The following WNT6 variants were observed in gnomAD, a reference collection of about 807,000 sequenced individuals.
WNT6 encodes protein Wnt-6.
WNT6 carries 27 observed loss-of-function variants against 33.1 expected under a neutral mutation model. The ratio of observed to expected loss-of-function variants is 0.82; its 90% CI spans 0.60 to 1.12. The LOEUF (loss-of-function observed/expected upper bound fraction) is 1.12, where lower values mean the gene tolerates loss of function less well. WNT6 is among the 50% of genes most tolerant of loss of function. The pLI, the probability that WNT6 is intolerant of heterozygous loss-of-function variation, is 0.00. For synonymous variants in WNT6, 249 were observed against 242.8 expected (o/e 1.03, Z -0.24); for missense variants, 494 against 535.3 (o/e 0.92, Z 0.76).
rs1944404813 is a variant in WNT6, at chr2:218,871,798, C to G, written c.615C>G (p.His205Gln). ...RGDIRALVQL[H>Q]NNEAGRLAVR... Reference sequence around the variant, plus strand: ...ACATCCGCGCGTTGGTGCAACTGCACAACAACGAGGCGGGCAGGCTGGTGC... The same window carrying G: ...ACATCCGCGCGTTGGTGCAACTGCAGAACAACGAGGCGGGCAGGCTGGTGC... Residue 205 changes from histidine to glutamine, a missense_variant, in exon 3 of 4, where the codon CAC (histidine) becomes CAG (glutamine). By Grantham distance (24) the His-to-Gln change is conservative. Transcript: ENST00000233948. The surrounding 1 kb of genome is among the most constrained non-coding windows in gnomAD (Gnocchi z 6.4). 6.3e-7 allele frequency: 1 copy of G among 1,594,050 alleles called. No individual in the cohort carries two copies. The highest frequency in any genetic ancestry group is 8.5e-7 in the Non-Finnish European group (1 of 1,171,748).
intron 1 of WNT6, among the ~76,000 whole-genome samples, 175 bp downstream of exon 1, chr2:218,860,292 C>A (rs1043920158): frequency 6.6e-6 from 1 of 152,190 alleles, no homozygotes; most frequent in African/African-American, 2.4e-5. Context: ...CCCTCGGGAA[C>A]ATTCTATTGT....
At chr2:218,868,106 C>T (rs1264154614) in intron 1 of WNT6, among the ~76,000 whole-genome samples, 1 of 152,132 alleles carries the variant, frequency 6.6e-6, no homozygotes, top group Non-Finnish European at 1.5e-5. Flanking sequence ...GCTGCTACTA[C>T]TGCCCATCCC....
intron 1 of WNT6, among the ~76,000 whole-genome samples, chr2:218,865,608 C>A (rs924748960): frequency 6.6e-6 from 1 of 152,184 alleles, no homozygotes; most frequent in African/African-American, 2.4e-5. Context: ...GACTGAGAGT[C>A]CACCTCTGGC....
chr2:218,866,549 G>A (rs1944356320), intron 1 of WNT6, among the ~76,000 whole-genome samples: 2 of 152,164 alleles, frequency 1.3e-5, no homozygotes, highest in South Asian at 4.1e-4. Flanking sequence ...GGTGTGGTGG[G>A]AAGACAAACA....
chr2:218,859,980 C>T lies in WNT6; in HGVS notation c.-58C>T. ...CACTGAAGCCCGGGCCCTCGCGCGC[C>T]GCGGTTCGCCCCGCAGCCTCGCCCC... On this transcript the variant is annotated 5_prime_UTR_variant, in exon 1 of 4. Transcript: ENST00000233948. The T allele has an allele frequency of 1.6e-6, 2 of 1,273,800 alleles. No individual in the cohort carries two copies. The highest frequency in any genetic ancestry group is 3.3e-5 in the East Asian group (1 of 30,608). 78.9% of individuals were successfully genotyped at this position (1,273,800 alleles called of 1,614,324 possible). A position where few individuals can be genotyped will look rare whatever the true frequency, so the allele number is the denominator to read the frequency against.
chr2:218,867,175 T>C lies in WNT6; in HGVS notation c.81-3852T>C, dbSNP rs1248825046. On this transcript the variant is annotated intron_variant, in intron 1 of 3. Transcript: ENST00000233948. This position sits in a 1 kb window ranked among gnomAD's most constrained non-coding sequence, Gnocchi z 4.9. Reference sequence around the variant, plus strand: ...GGAGGCCACTGGAAGTCTTCTGATATCTCACGTGCCCATTTCCCTCCAGCA... The same window carrying C: ...GGAGGCCACTGGAAGTCTTCTGATACCTCACGTGCCCATTTCCCTCCAGCA... 1.3e-5 allele frequency among the ~76,000 whole-genome samples: 2 copies of C among 152,322 alleles called. No individual in the cohort carries two copies. The highest frequency in any genetic ancestry group is 2.1e-4 in the South Asian group (1 of 4,824).
chr2:218,859,941 G>T lies in WNT6; in HGVS notation c.-97G>T, dbSNP rs1261371882. 9.4e-7 allele frequency: 1 copy of T among 1,062,258 alleles called. No homozygotes were observed. The highest frequency in any genetic ancestry group is 1.7e-5 in the African/African-American group (1 of 59,742). The allele number at this position is 1,062,258 out of a possible 1,614,324, so 65.8% of individuals were successfully genotyped here. On this transcript the variant is annotated 5_prime_UTR_variant, in exon 1 of 4. Coordinates refer to ENST00000233948, the MANE Select transcript of WNT6 (RefSeq NM_006522.4). ...CTCGCCTCCCGGCCGCCGCCGTTGC[G>T]CTCGCCGCGCTCGCACTGAAGCCCG...
chr2:218,870,877 C>CGTATCATT, intron 1 of WNT6, 150 bp from the exon 2 acceptor site: 1 of 673,990 alleles, frequency 1.5e-6, no homozygotes, highest in South Asian at 2.0e-5. Context: ...GCAGGAGAGC[C>CGTATCATT]AGACAGGACA....
rs1944431342 is a variant in WNT6, at chr2:218,873,948, C to T, written c.*103C>T. Reference sequence around the variant, plus strand: ...GCCTCTCGCCGCTCGAGCCCAGCCTCTCCCTGCCAAAGCCCAACTCCCAGG... The same window carrying T: ...GCCTCTCGCCGCTCGAGCCCAGCCTTTCCCTGCCAAAGCCCAACTCCCAGG... On this transcript the variant is annotated 3_prime_UTR_variant, in exon 4 of 4. Transcript: ENST00000233948. The surrounding 1 kb of genome is among the most constrained non-coding windows in gnomAD (Gnocchi z 6.1). 4.1e-6 allele frequency: 5 copies of T among 1,217,648 alleles called. No homozygotes were observed. Among genetic ancestry groups the T allele is most frequent in the Admixed American group, 6.8e-5 (2 of 29,484 alleles). 75.4% of individuals were successfully genotyped at this position (1,217,648 alleles called of 1,614,324 possible).
At chr2:218,870,433 C>T (rs1944390586) in intron 1 of WNT6, among the ~76,000 whole-genome samples, 1 of 152,178 alleles carries the variant, frequency 6.6e-6, no homozygotes, top group Non-Finnish European at 1.5e-5. Context: ...GAAACCTGGG[C>T]TATGGAGAGG....
At chr2:218,866,448 G>C (rs1264433268) in intron 1 of WNT6, among the ~76,000 whole-genome samples, 1 of 152,170 alleles carries the variant, frequency 6.6e-6, no homozygotes, top group African/African-American at 2.4e-5. Flanking sequence ...AAATAGCAGA[G>C]AGTTGGAGAA....
rs1269630936 is a variant in WNT6, at chr2:218,874,189, G to A, written c.*344G>A. On this transcript the variant is annotated 3_prime_UTR_variant, in exon 4 of 4. Coordinates refer to ENST00000233948, the MANE Select transcript of WNT6 (RefSeq NM_006522.4). ...GGGCTCCCCAGAACTGCTGGCCACAGGATGGTGGGTGAGGTTAGTATCAAT... is the reference window on the plus strand; with the variant it reads ...GGGCTCCCCAGAACTGCTGGCCACAAGATGGTGGGTGAGGTTAGTATCAAT... The A allele has an allele frequency of 3.3e-6, 1 of 306,456 alleles. No homozygotes were observed. Among genetic ancestry groups the A allele is most frequent in the Admixed American group, 5.1e-5 (1 of 19,606 alleles). The allele number at this position is 306,456 out of a possible 1,614,324, so 19.0% of individuals were successfully genotyped here.
At position 218,871,932 on chromosome 2, in the gene WNT6, A is replaced by G; in HGVS notation, c.636+113A>G. 7.0e-6 allele frequency: 2 copies of G among 287,266 alleles called. No individual in the cohort carries two copies. Among genetic ancestry groups the G allele is most frequent in the South Asian group, 9.4e-5 (2 of 21,298 alleles). The allele number at this position is 287,266 out of a possible 1,614,324, so 17.8% of individuals were successfully genotyped here. A position where few individuals can be genotyped will look rare whatever the true frequency, so the allele number is the denominator to read the frequency against. On this transcript the variant is annotated intron_variant, in intron 3 of 3. Transcript: ENST00000233948. This position sits in a 1 kb window ranked among gnomAD's most constrained non-coding sequence, Gnocchi z 6.4. ...GGTGTGTAGGTGGAGGGGGGCGTTA[A>G]TGTGTGGGGGAGTGCGCACGGGCGG...
At chr2:218,861,005 G>T (rs1007542337) in intron 1 of WNT6, among the ~76,000 whole-genome samples, 1 of 152,212 alleles carries the variant, frequency 6.6e-6, no homozygotes, top group Non-Finnish European at 1.5e-5. Flanking sequence ...GCCCGGAATA[G>T]CTCAGTGTTT....
chr2:218,868,244 G>C (rs924756842), intron 1 of WNT6, among the ~76,000 whole-genome samples: 1 of 152,128 alleles, frequency 6.6e-6, no homozygotes, highest in Non-Finnish European at 1.5e-5. Context: ...AAAGTCCCTG[G>C]CCTCCATACT....
Position 218,871,121 on chromosome 2 carries a change from C to A in WNT6, c.175C>A (p.Pro59Thr). ...GRQAELCQAE[P>T]EVVAELARGA... ...GCAGGCCGAGTTGTGCCAGGCTGAG[C>A]CGGAAGTGGTGGCAGAGCTAGCTCG... Residue 59 changes from proline to threonine, a missense_variant, in exon 2 of 4, where the codon CCG (proline) becomes ACG (threonine). Coordinates refer to ENST00000233948, the MANE Select transcript of WNT6 (RefSeq NM_006522.4). The surrounding 1 kb of genome is among the most constrained non-coding windows in gnomAD (Gnocchi z 6.4). 3 of 1,613,768 alleles carry A rather than the reference C, an allele frequency of 1.9e-6. No homozygotes were observed. The highest frequency in any genetic ancestry group is 1.7e-6 in the Non-Finnish European group (2 of 1,179,928).
At position 218,860,118 on chromosome 2, in the gene WNT6, G is replaced by T; in HGVS notation, c.80+1G>T. On this transcript the variant is annotated splice_donor_variant, in intron 1 of 3. Transcript: ENST00000233948. LOFTEE classifies it high-confidence loss of function. Reference sequence around the variant, plus strand: ...CGGCGCACGTCGGCGGACTGTGGTGGTGAGTCCGGCTGTCCTGGCGCGGCT... The same window carrying T: ...CGGCGCACGTCGGCGGACTGTGGTGTTGAGTCCGGCTGTCCTGGCGCGGCT... 1 of 1,522,050 alleles carries T rather than the reference G, an allele frequency of 6.6e-7. No homozygotes were observed. The highest frequency in any genetic ancestry group is 1.2e-5 in the South Asian group (1 of 82,102). 94.3% of individuals were successfully genotyped at this position (1,522,050 alleles called of 1,614,324 possible).
In WNT6 at chr2:218,871,691, G is replaced by A. The variant is rs746914545; in HGVS notation, c.508G>A (p.Gly170Arg). 1 of 1,577,732 alleles carries A rather than the reference G, an allele frequency of 6.3e-7. No individual in the cohort carries two copies. Among genetic ancestry groups the A allele is most frequent in the Admixed American group, 1.8e-5 (1 of 56,702 alleles). The change falls in exon 3 of 4, where the codon GGA becomes AGA. Residue 170 changes from glycine to arginine, a missense_variant. Gly to Arg is a moderately radical substitution (Grantham distance 125, BLOSUM62 -2). Transcript: ENST00000233948. This position sits in a 1 kb window ranked among gnomAD's most constrained non-coding sequence, Gnocchi z 6.4. ...GGAAGGCAGCGCCGCCTGGGAGTGG[G>A]GAGGCTGCGGCGACGACGTGGACTT... ...SPEGSAAWEW[G>R]GCGDDVDFGD... is the part of the protein sequence containing the mutation.
rs574440227 is a variant in WNT6 at position 218,859,954 on chromosome 2, G to T, written c.-84G>T. 2.5e-4 allele frequency: 284 copies of T among 1,139,614 alleles called. No homozygotes were observed. The South Asian group carries it at 3.1e-3, about 12-fold the overall frequency. 70.6% of individuals were successfully genotyped at this position (1,139,614 alleles called of 1,614,324 possible). A position where few individuals can be genotyped will look rare whatever the true frequency, so the allele number is the denominator to read the frequency against. On this transcript the variant is annotated 5_prime_UTR_variant, in exon 1 of 4. Coordinates refer to ENST00000233948, the MANE Select transcript of WNT6 (RefSeq NM_006522.4). ...CGCCGCCGTTGCGCTCGCCGCGCTC[G>T]CACTGAAGCCCGGGCCCTCGCGCGC...
Sources: allele counts gnomAD v4.1 joint callset (sites outside exome capture counted in the v4.1 genomes callset), GRCh38; gene constraint gnomAD v4.1.1; non-coding constraint Gnocchi (gnomAD v3.1); transcripts MANE v1.5; gene names NCBI Gene and HGNC (gene_info 2026-07-23, HGNC 2026-07-21).